ACACA: variants seen among roughly 807,000 people sequenced by gnomAD.
ACACA encodes the protein acetyl-CoA carboxylase alpha, also known as acetyl-CoA carboxylase 1.
Under a neutral mutation model 296.1 loss-of-function variants are expected in ACACA, and 103 were observed. The observed-to-expected ratio is 0.35, with a 90% CI of 0.30 to 0.41. The LOEUF (loss-of-function observed/expected upper bound fraction) is 0.41, where lower values mean the gene tolerates loss of function less well. ACACA is among the 10% of genes least tolerant of loss of function. The pLI, the probability that ACACA is intolerant of heterozygous loss-of-function variation, is 1.00. For missense variants in ACACA, 1,554 were observed against 2,989.7 expected (o/e 0.52, Z 11.20); for synonymous variants, 953 against 1,038.6 (o/e 0.92, Z 1.58).
intron 45 of ACACA, chr17:37,144,119 A>C (rs1181369095): frequency 1.3e-6 from 1 of 759,532 alleles, no homozygotes; most frequent in Non-Finnish European, 2.4e-6. Flanking sequence ...ATATCTTCAA[A>C]TTTTCCCTTC....
At chr17:37,380,346 A>G (rs1481649350) in intron 1 of ACACA, among the ~76,000 whole-genome samples, 1 of 151,726 alleles carries the variant, frequency 6.6e-6, no homozygotes, top group East Asian at 2.0e-4. Flanking sequence ...TAGTGGGTGC[A>G]GCGCACCAGC....
At position 37,257,695 on chromosome 17, in the gene ACACA, A is replaced by T; in HGVS notation, c.1826+8T>A. 1 of 1,613,848 alleles carries T rather than the reference A, an allele frequency of 6.2e-7. No homozygotes were observed. The highest frequency in any genetic ancestry group is 1.3e-5 in the African/African-American group (1 of 75,064). ...TTGTAAAATGCAATCAAATGCTATT[A>T]TACTCACGAAATTGCCTCTTCTCTG... is the stretch of plus-strand genomic sequence containing the variant. On this transcript the variant is annotated splice_region_variant and intron_variant, in intron 14 of 55. Coordinates refer to ENST00000616317, the MANE Select transcript of ACACA (RefSeq NM_198834.3).
At chr17:37,111,425 T>A in intron 52 of ACACA, 106 bp downstream of exon 52, 4 of 842,616 alleles carry the variant, frequency 4.7e-6, no homozygotes, top group Non-Finnish European at 8.2e-6. Context: ...AAGATTATCA[T>A]GAATTTGATC....
intron 43 of ACACA, among the ~76,000 whole-genome samples, chr17:37,154,460 A>G (rs961296072): frequency 3.9e-5 from 6 of 152,174 alleles, no homozygotes; most frequent in African/African-American, 1.4e-4. Context: ...AACACAAAAG[A>G]GTAAATTTTC....
At position 37,087,116 on chromosome 17, in the gene ACACA, G is replaced by A. The variant is rs1339401955; in HGVS notation, c.*200C>T. On this transcript the variant is annotated 3_prime_UTR_variant, in exon 56 of 56. Coordinates refer to ENST00000616317, the MANE Select transcript of ACACA (RefSeq NM_198834.3). Reference sequence around the variant, plus strand: ...GGGTAATAAATACTGAATGGGGTAGGTGTGACTGGTGGGCTGGAGGGGGAT... The same window carrying A: ...GGGTAATAAATACTGAATGGGGTAGATGTGACTGGTGGGCTGGAGGGGGAT... The A allele has an allele frequency of 2.8e-6, 2 of 701,820 alleles. No homozygotes were observed. The highest frequency in any genetic ancestry group is 3.4e-5 in the South Asian group (2 of 58,194). 43.5% of individuals were successfully genotyped at this position (701,820 alleles called of 1,614,324 possible). A position where few individuals can be genotyped will look rare whatever the true frequency, so the allele number is the denominator to read the frequency against.
rs1343172321 is a variant in ACACA, at chr17:37,099,575, G to GGGAGGGCTGATGGCA, written c.6566-1606_6566-1592dup. Among the ~76,000 whole-genome samples the GGGAGGGCTGATGGCA allele has an allele frequency of 5.4e-4, 48 of 88,166 alleles. 7 individuals carry two copies. Among genetic ancestry groups the GGGAGGGCTGATGGCA allele is most frequent in the African/African-American group, 2.8e-3 (45 of 15,794 alleles). The allele number at this position is 88,166 out of a possible 152,430, so 57.8% of individuals were successfully genotyped here. On this transcript the variant is annotated intron_variant, in intron 52 of 55. Transcript: ENST00000616317. ...GGCTGATGGCAGGAGGGCTGATGGCGGGAGGGCTGATGGCAGGAGGGCTGA... is the reference window on the plus strand; with the variant it reads ...GGCTGATGGCAGGAGGGCTGATGGCGGGAGGGCTGATGGCAGGAGGGCTGATGGCAGGAGGGCTGA...
Position 37,340,690 on chromosome 17 carries a change from G to C in ACACA, c.39-840C>G, listed in dbSNP as rs73984209. On this transcript the variant is annotated intron_variant, in intron 1 of 55. Transcript: ENST00000616317. ...ATTTAGGAATATTAGGATTTATCCA[G>C]TTATGCAGTCTGAGCTAGTATTATT... 9.1e-4 allele frequency among the ~76,000 whole-genome samples: 139 copies of C among 152,340 alleles called. 1 individual carries two copies. The highest frequency in any genetic ancestry group is 3.3e-3 in the African/African-American group (137 of 41,584).
intron 3 of ACACA, chr17:37,328,841 T>TA (rs1420277403): frequency 2.3e-5 from 9 of 397,462 alleles, no homozygotes; most frequent in African/African-American, 4.1e-5. Context: ...CTGGATACCT[T>TA]AAAAAAAAGC....
intron 3 of ACACA, among the ~76,000 whole-genome samples, chr17:37,287,878 T>TA (rs1441470741): frequency 2.6e-5 from 4 of 152,208 alleles, no homozygotes; most frequent in African/African-American, 9.6e-5. Context: ...AAATGCTCTG[T>TA]ACCCTTCTTA....
At chr17:37,205,970 A>G in intron 32 of ACACA, 98 bp from the exon 33 acceptor site, 1 of 1,046,582 alleles carries the variant, frequency 9.6e-7, no homozygotes, top group Non-Finnish European at 1.5e-6. Context: ...AAAAAGAGAT[A>G]CACCCCACAG....
chr17:37,382,141 T>C (rs763851719), intron 1 of ACACA, among the ~76,000 whole-genome samples: 14 of 152,284 alleles, frequency 9.2e-5, no homozygotes, highest in Non-Finnish European at 1.5e-4. Flanking sequence ...GATTTATCAA[T>C]TTATCAATAA....
intron 10 of ACACA, among the ~76,000 whole-genome samples, chr17:37,266,380 C>T (rs1340622329): frequency 6.7e-6 from 1 of 150,198 alleles, no homozygotes; most frequent in Non-Finnish European, 1.5e-5. Context: ...CGCCACTGCA[C>T]TCCAGCCTGG....
At chr17:37,274,422 G>A in intron 8 of ACACA, 123 bp from the exon 9 acceptor site, 1 of 1,061,270 alleles carries the variant, frequency 9.4e-7, no homozygotes, top group Admixed American at 1.9e-5. Flanking sequence ...GGAGAAAGAA[G>A]GATGCCATAA....
At chr17:37,141,106 T>G (rs765264506) in intron 45 of ACACA, 3 of 455,026 alleles carry the variant, frequency 6.6e-6, no homozygotes, top group Non-Finnish European at 8.6e-6. Flanking sequence ...AACAAACATC[T>G]TGAACCTGAT....
chr17:37,247,807 A>AT, intron 18 of ACACA: 1 of 622,686 alleles, frequency 1.6e-6, no homozygotes, highest in Non-Finnish European at 2.8e-6. Flanking sequence ...CATTGTCCAC[A>AT]TACACTGGAG....
intron 1 of ACACA, among the ~76,000 whole-genome samples, chr17:37,381,484 C>A (rs568022510): frequency 6.6e-6 from 1 of 152,042 alleles, no homozygotes; most frequent in Admixed American, 6.6e-5. Flanking sequence ...CTGCGCCTGG[C>A]CAATCCCTTG....
chr17:37,165,126 C>A (rs532300614), intron 41 of ACACA, among the ~76,000 whole-genome samples: 2 of 151,698 alleles, frequency 1.3e-5, no homozygotes, highest in Non-Finnish European at 2.9e-5. Flanking sequence ...CACCCCGCCC[C>A]GCCCCCCATC....
At chr17:37,110,076 A>G (rs1252718757) in intron 52 of ACACA, among the ~76,000 whole-genome samples, 1 of 149,486 alleles carries the variant, frequency 6.7e-6, no homozygotes, top group Non-Finnish European at 1.5e-5. Context: ...CAGCAAAAAG[A>G]AAAAAAAAAG....
chr17:37,297,614 C>A (rs1291460525), intron 3 of ACACA, among the ~76,000 whole-genome samples: 1 of 151,498 alleles, frequency 6.6e-6, no homozygotes, highest in African/African-American at 2.4e-5. Flanking sequence ...GTGATCTCTG[C>A]TCACTGCAAA....
Sources: allele counts gnomAD v4.1 joint callset (sites outside exome capture counted in the v4.1 genomes callset), GRCh38; gene constraint gnomAD v4.1.1; transcripts MANE v1.5; gene names NCBI Gene and HGNC (gene_info 2026-07-23, HGNC 2026-07-21).